CDK13: variants seen among roughly 807,000 people sequenced by gnomAD.
The protein encoded by CDK13 is cyclin dependent kinase 13.
CDK13 carries 40 observed loss-of-function variants against 137.6 expected under a neutral mutation model. The observed-to-expected ratio is 0.29, with a 90% CI of 0.23 to 0.38. CDK13 has a LOEUF of 0.38. CDK13 is among the 10% of genes least tolerant of loss of function. The pLI, the probability that CDK13 is intolerant of heterozygous loss-of-function variation, is 1.00. For synonymous variants in CDK13, 869 were observed against 760.1 expected, an observed-to-expected ratio of 1.14 and a Z score of -2.36; for missense variants, 1,704 against 1,951.8, an observed-to-expected ratio of 0.87 and a Z score of 2.39.
intron 1 of CDK13, among the ~76,000 whole-genome samples, chr7:39,961,306 G>A (rs542978665): frequency 1.2e-4 from 19 of 152,262 alleles, no homozygotes; most frequent in African/African-American, 4.6e-4. Flanking sequence ...GTTGCAGTGA[G>A]CCGAGATCTC....
In CDK13 at chr7:40,029,075, G is replaced by A. The variant is rs1371431627; in HGVS notation, c.2354-16761G>A. On this transcript the variant is annotated intron_variant, in intron 5 of 13. Transcript: ENST00000181839. ...AATATATTGGAAAATTTTTTTTTTT[G>A]GAGATTTGCAACAATTTGAGAAAAC... Among the ~76,000 whole-genome samples the A allele has an allele frequency of 6.7e-5, 10 of 149,454 alleles. No homozygotes were observed. The East Asian group carries it at 1.9e-3, about 29-fold the overall frequency.
At chr7:40,032,829 G>GC (rs1171161826) in intron 5 of CDK13, among the ~76,000 whole-genome samples, 2 of 151,992 alleles carry the variant, frequency 1.3e-5, no homozygotes, top group East Asian at 3.9e-4. Context: ...GATAGTGTCA[G>GC]CCCTCTAACT....
At position 40,053,398 on chromosome 7, in the gene CDK13, G is replaced by T. The variant is rs367891288; in HGVS notation, c.2600+5521G>T. 3.9e-4 allele frequency among the ~76,000 whole-genome samples: 60 copies of T among 152,266 alleles called. 1 individual carries two copies. In the South Asian group the frequency reaches 0.012, roughly 30 times the overall value. On this transcript the variant is annotated intron_variant, in intron 7 of 13. Coordinates refer to ENST00000181839, the MANE Select transcript of CDK13 (RefSeq NM_003718.5). ...CACCTCATATAGGCCATTGTAAATA[G>T]AATTGTATTGGTTTTTCTGTCCTCT...
At chr7:40,077,686 C>G (rs149702167) in intron 9 of CDK13, among the ~76,000 whole-genome samples, 1 of 152,174 alleles carries the variant, frequency 6.6e-6, no homozygotes, top group Non-Finnish European at 1.5e-5. Context: ...GAAATCCTGT[C>G]TCTACTAAAA....
chr7:39,996,480 C>G (rs1784562467), intron 2 of CDK13, among the ~76,000 whole-genome samples: 1 of 152,012 alleles, frequency 6.6e-6, no homozygotes, highest in South Asian at 2.1e-4. Context: ...AAGTACAAAG[C>G]TAATGGAGTT....
chr7:40,090,195 T>C (rs1327651649), intron 12 of CDK13, among the ~76,000 whole-genome samples: 2 of 152,210 alleles, frequency 1.3e-5, no homozygotes, highest in Admixed American at 6.5e-5. Context: ...TCTGGTCCTC[T>C]TCATGGAACT....
chr7:39,983,681 C>T (rs773562351), intron 1 of CDK13, among the ~76,000 whole-genome samples: 1 of 152,166 alleles, frequency 6.6e-6, no homozygotes, highest in Admixed American at 6.5e-5. Flanking sequence ...CTGCTGCTTA[C>T]CTTTCTGCTA....
rs1295790880 is a variant in CDK13 at position 40,001,929 on chromosome 7, C to T, written c.2251C>T (p.Arg751Ter). 3 of 1,609,600 alleles carry T rather than the reference C, an allele frequency of 1.9e-6. No individual in the cohort carries two copies. Among genetic ancestry groups the T allele is most frequent in the Non-Finnish European group, 8.5e-7 (1 of 1,176,354 alleles). ...EKEGFPITAI[R>*]EIKILRQLTH... Reference sequence around the variant, plus strand: ...GGAAGGCTTTCCAATTACAGCAATTCGAGAAATTAAAATTCTCCGGCAGCT... The same window carrying T: ...GGAAGGCTTTCCAATTACAGCAATTTGAGAAATTAAAATTCTCCGGCAGCT... Residue 751 changes from arginine to a stop codon, truncating the protein, a stop_gained, in exon 5 of 14, where the codon CGA (arginine) becomes TGA (stop). Coordinates refer to ENST00000181839, the MANE Select transcript of CDK13 (RefSeq NM_003718.5). LOFTEE classifies it high-confidence loss of function.
intron 10 of CDK13, 23 bp from the exon 11 acceptor site, chr7:40,078,697 C>T: frequency 1.4e-6 from 2 of 1,422,664 alleles, no homozygotes; most frequent in Non-Finnish European, 1.9e-6. Flanking sequence ...ACACATCTAA[C>T]TTTTGTAATC....
intron 3 of CDK13, 63 bp from the exon 4 acceptor site, chr7:39,999,298 T>C: frequency 7.3e-7 from 1 of 1,376,990 alleles, no homozygotes; most frequent in Non-Finnish European, 1.0e-6. Context: ...AGATATTGAG[T>C]TATTAGACAG....
chr7:40,024,015 G>A (rs1476337122), intron 5 of CDK13, among the ~76,000 whole-genome samples: 3 of 152,134 alleles, frequency 2.0e-5, no homozygotes, highest in African/African-American at 7.2e-5. Flanking sequence ...TGCAGGGAAA[G>A]TAACACCAGC....
intron 5 of CDK13, among the ~76,000 whole-genome samples, chr7:40,038,202 T>TA (rs765599887): frequency 1.4e-4 from 21 of 152,142 alleles, no homozygotes; most frequent in Non-Finnish European, 2.6e-4. Context: ...TTCCTTTTTT[T>TA]ATATATAAAA....
At chr7:39,996,983 A>AAAAAAAAAAAAGAG (rs1562719391) in intron 2 of CDK13, among the ~76,000 whole-genome samples, 1 of 141,434 alleles carries the variant, frequency 7.1e-6, no homozygotes, top group African/African-American at 3.0e-5. Context: ...AAAAGAAAAA[A>AAAAAAAAAAAAGAG]AAAAAGAAAA....
rs2116055945 is a variant in CDK13, at chr7:39,951,140, G to T, written c.499G>T (p.Ala167Ser). The change falls in exon 1 of 14, where the codon GCG (alanine) becomes TCG (serine). Residue 167 changes from alanine to serine, a missense_variant. By Grantham distance (99) the Ala-to-Ser change is moderately conservative. Coordinates refer to ENST00000181839, the MANE Select transcript of CDK13 (RefSeq NM_003718.5). ...GCTGGGGGGGGCCAGCGCGGCAACG[G>T]CGGCGACGGCTGCCGGGGGAACGGG... ...LLLGGASAAT[A>S]ATAAGGTGGS... 1.6e-6 allele frequency: 2 copies of T among 1,242,992 alleles called. No homozygotes were observed. Among genetic ancestry groups the T allele is most frequent in the Non-Finnish European group, 2.0e-6 (2 of 994,942 alleles). 77.0% of individuals were successfully genotyped at this position (1,242,992 alleles called of 1,614,324 possible).
intron 7 of CDK13, among the ~76,000 whole-genome samples, chr7:40,056,049 C>A (rs1014498274): frequency 6.6e-6 from 1 of 152,108 alleles, no homozygotes; most frequent in South Asian, 2.1e-4. Context: ...GCATCCTAAT[C>A]GTAACGTGGA....
At chr7:39,992,120 A>G (rs1400454307) in intron 2 of CDK13, among the ~76,000 whole-genome samples, 1 of 135,726 alleles carries the variant, frequency 7.4e-6, no homozygotes, top group African/African-American at 2.7e-5. Flanking sequence ...CACACACACA[A>G]GCACACACGC....
At chr7:40,057,851 A>C (rs1220115903) in intron 7 of CDK13, among the ~76,000 whole-genome samples, 1 of 152,192 alleles carries the variant, frequency 6.6e-6, no homozygotes, top group Non-Finnish European at 1.5e-5. Flanking sequence ...GGAAGATATC[A>C]AAAGGAGAAA....
At chr7:39,976,383 T>C (rs1408509202) in intron 1 of CDK13, among the ~76,000 whole-genome samples, 1 of 127,644 alleles carries the variant, frequency 7.8e-6, no homozygotes, top group Non-Finnish European at 1.7e-5. Context: ...GAGAAAGAGA[T>C]AGTGTGGTAG....
intron 9 of CDK13, among the ~76,000 whole-genome samples, chr7:40,074,616 A>C (rs1034385842): frequency 6.6e-6 from 1 of 151,864 alleles, no homozygotes; most frequent in African/African-American, 2.4e-5. Context: ...CAATACTTTG[A>C]TAGACTGAGG....
Sources: allele counts gnomAD v4.1 joint callset (sites outside exome capture counted in the v4.1 genomes callset), GRCh38; gene constraint gnomAD v4.1.1; transcripts MANE v1.5; gene names NCBI Gene and HGNC (gene_info 2026-07-23, HGNC 2026-07-21).